Variants in MYT1L observed in about 807,000 individuals in gnomAD.
MYT1L encodes the protein myelin transcription factor 1 like, also known as myelin transcription factor 1-like protein.
Under a neutral mutation model 126.7 loss-of-function variants are expected in MYT1L, and 12 were observed. The observed-to-expected ratio is 0.09, with a 90% confidence interval of 0.06 to 0.15. The LOEUF is 0.15. Ranked by LOEUF, MYT1L falls within the 10% of genes least tolerant of loss-of-function variation. The probability of loss-of-function intolerance (pLI) is 1.00; values close to 1 mark genes in which losing one functional copy is unlikely to be tolerated. For missense variants in MYT1L, 979 were observed against 1,585.2 expected (o/e 0.62, Z 6.49); for synonymous variants, 541 against 604.2 (o/e 0.90, Z 1.53).
intron 2 of MYT1L, among the ~76,000 whole-genome samples, chr2:2,182,847 T>TG (rs1262431118): frequency 6.6e-6 from 1 of 152,034 alleles, no homozygotes; most frequent in Admixed American, 6.6e-5. Flanking sequence ...TCACAGTAGA[T>TG]AAAGACTCGC....
intron 3 of MYT1L, among the ~76,000 whole-genome samples, chr2:2,156,848 C>G (rs2086807874): frequency 6.6e-6 from 1 of 152,336 alleles, no homozygotes; most frequent in African/African-American, 2.4e-5. Flanking sequence ...CCTGCTGAGA[C>G]AGCAGGATCA....
chr2:1,920,169 A>AGGAAAGTC (rs1184826957), intron 10 of MYT1L, among the ~76,000 whole-genome samples: 1 of 152,220 alleles, frequency 6.6e-6, no homozygotes, highest in African/African-American at 2.4e-5. Flanking sequence ...TTCTGCTTAC[A>AGGAAAGTC]GGAAAGTCCA....
chr2:1,902,326 T>C (rs2050455728), intron 14 of MYT1L, among the ~76,000 whole-genome samples: 1 of 152,184 alleles, frequency 6.6e-6, no homozygotes, highest in African/African-American at 2.4e-5. Context: ...TGAGCTCTAT[T>C]TTGTTGGTGC....
At chr2:2,069,592 T>C (rs2074337601) in intron 3 of MYT1L, among the ~76,000 whole-genome samples, 1 of 152,128 alleles carries the variant, frequency 6.6e-6, no homozygotes, top group Non-Finnish European at 1.5e-5. Flanking sequence ...TACTCAATAA[T>C]GGGATTGTTG....
intron 2 of MYT1L, among the ~76,000 whole-genome samples, chr2:2,235,543 T>A (rs1366108137): frequency 1.3e-5 from 2 of 152,192 alleles, no homozygotes; most frequent in Non-Finnish European, 2.9e-5. Context: ...CAGCCCTGTG[T>A]TTATTGGCAC....
intron 2 of MYT1L, among the ~76,000 whole-genome samples, chr2:2,235,014 C>T (rs1181554764): frequency 6.6e-6 from 1 of 152,206 alleles, no homozygotes; most frequent in Non-Finnish European, 1.5e-5. Flanking sequence ...CCCTTTCTTT[C>T]TGCCTCTTCC....
intron 18 of MYT1L, among the ~76,000 whole-genome samples, chr2:1,853,883 G>A (rs1353003959): frequency 6.6e-6 from 1 of 152,060 alleles, no homozygotes; most frequent in Non-Finnish European, 1.5e-5. Flanking sequence ...ACCTATAAAA[G>A]TTTTTGTGGT....
At chr2:2,182,984 G>A (rs1411930128) in intron 2 of MYT1L, among the ~76,000 whole-genome samples, 4 of 152,302 alleles carry the variant, frequency 2.6e-5, no homozygotes, top group Admixed American at 6.5e-5. Flanking sequence ...AGAGGTGAGC[G>A]GACTCTGCCA....
chr2:2,287,196 C>A (rs989612962), intron 1 of MYT1L, among the ~76,000 whole-genome samples: 1 of 151,942 alleles, frequency 6.6e-6, no homozygotes, highest in Non-Finnish European at 1.5e-5. Context: ...GCAGAGGTTG[C>A]GTGAGCAGAG....
At chr2:1,993,843 G>A (rs978002491) in intron 5 of MYT1L, among the ~76,000 whole-genome samples, 3 of 152,110 alleles carry the variant, frequency 2.0e-5, no homozygotes, top group Non-Finnish European at 4.4e-5. Flanking sequence ...CACGTGTCTC[G>A]TCATTTCCTG....
intron 21 of MYT1L, among the ~76,000 whole-genome samples, chr2:1,813,794 G>C (rs889522801): frequency 1.5e-4 from 23 of 149,100 alleles, no homozygotes; most frequent in African/African-American, 5.2e-4. Context: ...TTGGGAGGCC[G>C]AGGCGGGCGG....
chr2:2,057,181 T>C (rs2069692629), intron 3 of MYT1L, among the ~76,000 whole-genome samples: 2 of 152,156 alleles, frequency 1.3e-5, no homozygotes, highest in South Asian at 2.1e-4. Flanking sequence ...ACAGTCAACA[T>C]GCAGATAACT....
chr2:2,299,503 G>T (rs767298323), intron 1 of MYT1L, among the ~76,000 whole-genome samples: 1 of 152,248 alleles, frequency 6.6e-6, no homozygotes, highest in Non-Finnish European at 1.5e-5. Context: ...TGAGGCAAGG[G>T]TGGGAGTTGG....
intron 2 of MYT1L, among the ~76,000 whole-genome samples, chr2:2,279,719 T>C (rs2095421680): frequency 6.6e-6 from 1 of 152,202 alleles, no homozygotes; most frequent in Admixed American, 6.5e-5. Flanking sequence ...TAGTTTCGGG[T>C]TGAGCGACAG....
At chr2:1,988,675 G>T (rs545405552) in intron 5 of MYT1L, among the ~76,000 whole-genome samples, 1 of 152,334 alleles carries the variant, frequency 6.6e-6, no homozygotes, top group African/African-American at 2.4e-5. Context: ...ACCGCATTGG[G>T]TGGTGGAGAG....
chr2:2,122,976 G>C (rs1440172441), intron 3 of MYT1L, among the ~76,000 whole-genome samples: 1 of 151,914 alleles, frequency 6.6e-6, no homozygotes, highest in African/African-American at 2.4e-5. Flanking sequence ...GAGAGCTTGG[G>C]GGCAGTCACA....
At position 1,801,455 on chromosome 2, in the gene MYT1L, T is replaced by C; in HGVS notation, c.3276+241A>G. On this transcript the variant is annotated intron_variant, in intron 23 of 24. Coordinates refer to ENST00000647738, the MANE Select transcript of MYT1L (RefSeq NM_001303052.2). This position sits in a 1 kb window ranked among gnomAD's most constrained non-coding sequence, Gnocchi z 4.2. ...TGAAAATGCCTATTCACAAATGCACTTTATTAAAAAACACAAACACACATG... is the reference window on the plus strand; with the variant it reads ...TGAAAATGCCTATTCACAAATGCACCTTATTAAAAAACACAAACACACATG... 1 of 409,900 alleles carries C rather than the reference T, an allele frequency of 2.4e-6. No homozygotes were observed. Among genetic ancestry groups the C allele is most frequent in the Non-Finnish European group, 4.3e-6 (1 of 232,846 alleles). 25.4% of individuals were successfully genotyped at this position (409,900 alleles called of 1,614,324 possible).
At chr2:1,880,668 T>C (rs2047415392) in intron 18 of MYT1L, among the ~76,000 whole-genome samples, 1 of 152,200 alleles carries the variant, frequency 6.6e-6, no homozygotes, top group Admixed American at 6.5e-5. Flanking sequence ...AGGTGTGTGC[T>C]TGCTACCAGT....
chr2:2,294,815 G>A (rs1183447448), intron 1 of MYT1L, among the ~76,000 whole-genome samples: 2 of 152,198 alleles, frequency 1.3e-5, no homozygotes, highest in Non-Finnish European at 2.9e-5. Context: ...TGTGTGCAAA[G>A]ACTTGGGCAG....
Sources: allele counts gnomAD v4.1 joint callset (sites outside exome capture counted in the v4.1 genomes callset), GRCh38; gene constraint gnomAD v4.1.1; non-coding constraint Gnocchi (gnomAD v3.1); transcripts MANE v1.5; gene names NCBI Gene and HGNC (gene_info 2026-07-23, HGNC 2026-07-21).